Variants in TSPAN9 observed in about 807,000 individuals in gnomAD.
TSPAN9 encodes tetraspanin 9.
In TSPAN9, 16 loss-of-function variants were observed where a neutral mutation model predicts 31.0. That is an observed-to-expected ratio of 0.52 (90% confidence interval 0.35 to 0.78). The LOEUF (loss-of-function observed/expected upper bound fraction) is 0.78. TSPAN9 is among the 30% of genes least tolerant of loss of function. The pLI is 0.01. For missense variants in TSPAN9, 272 were observed against 312.5 expected (o/e 0.87, Z 0.98); for synonymous variants, 145 against 121.6 (o/e 1.19, Z -1.27).
chr12:3,091,986 G>A (rs10848794), intron 2 of TSPAN9, among the ~76,000 whole-genome samples: 15,851 of 152,204 alleles, frequency 0.1, 909 homozygotes, highest in Middle Eastern at 0.14. Flanking sequence ...CAGCTCACAG[G>A]TTTTATATTA....
chr12:3,269,269 T>TCC (rs1196369652), intron 3 of TSPAN9, among the ~76,000 whole-genome samples: 1 of 37,272 alleles, frequency 2.7e-5, no homozygotes, highest in Non-Finnish European at 5.7e-5. Context: ...CAGCCTGCCC[T>TCC]GTGTTCCTGC....
intron 2 of TSPAN9, among the ~76,000 whole-genome samples, chr12:3,186,570 G>A (rs1332000449): frequency 3.4e-5 from 5 of 148,186 alleles, no homozygotes; most frequent in Admixed American, 2.7e-4. Context: ...GTGTGTGTGT[G>A]TGTGTGTATA....
intron 2 of TSPAN9, among the ~76,000 whole-genome samples, chr12:3,103,998 A>G (rs2098313028): frequency 6.6e-6 from 1 of 152,188 alleles, no homozygotes; most frequent in African/African-American, 2.4e-5. Flanking sequence ...GGGAGCCGTG[A>G]AGGCGTTACT....
intron 2 of TSPAN9, among the ~76,000 whole-genome samples, chr12:3,151,791 T>C (rs56036622): frequency 0.095 from 14,398 of 152,042 alleles, 895 homozygotes; most frequent in Middle Eastern, 0.17. Flanking sequence ...ACAACCGTGG[T>C]GTGCGCCTGT....
chr12:3,218,126 C>G (rs2098382320), intron 3 of TSPAN9, among the ~76,000 whole-genome samples: 1 of 152,068 alleles, frequency 6.6e-6, no homozygotes, highest in Admixed American at 6.5e-5. Context: ...GGTGTGCATG[C>G]CTGCGTCCTG....
chr12:3,182,549 A>G (rs2098359029), intron 2 of TSPAN9, among the ~76,000 whole-genome samples: 1 of 151,590 alleles, frequency 6.6e-6, no homozygotes, highest in East Asian at 1.9e-4. Flanking sequence ...TTCATTCAAC[A>G]GTGCTATTGA....
At chr12:3,233,309 G>T (rs2098391767) in intron 3 of TSPAN9, among the ~76,000 whole-genome samples, 1 of 152,198 alleles carries the variant, frequency 6.6e-6, no homozygotes, top group African/African-American at 2.4e-5. Flanking sequence ...TTACAAAGTT[G>T]TAAGAAACAC....
At chr12:3,152,597 C>CTTTTT (rs367668971) in intron 2 of TSPAN9, among the ~76,000 whole-genome samples, 1 of 150,988 alleles carries the variant, frequency 6.6e-6, no homozygotes, top group Non-Finnish European at 1.5e-5. Context: ...TCTTTTCTTT[C>CTTTTT]TTTTTTGAGA....
rs528857501 is a variant in TSPAN9 at position 3,278,588 on chromosome 12, G to A, written c.231G>A (p.Lys77=). The A allele has an allele frequency of 1.9e-6, 3 of 1,614,106 alleles. No individual in the cohort carries two copies. The highest frequency in any genetic ancestry group is 2.2e-5 in the East Asian group (1 of 44,874). Residue 77 remains lysine, a synonymous_variant, in exon 4 of 9, where the codon AAG becomes AAA. Coordinates refer to ENST00000011898, the MANE Select transcript of TSPAN9 (RefSeq NM_006675.5). ...TGFLGCLGAI[K]ENKCLLLSFF... Reference sequence around the variant, plus strand: ...TCCTCGGCTGCCTGGGGGCCATCAAGGAAAACAAGTGCCTCCTCCTCAGCG... The same window carrying A: ...TCCTCGGCTGCCTGGGGGCCATCAAAGAAAACAAGTGCCTCCTCCTCAGCG...
intron 3 of TSPAN9, among the ~76,000 whole-genome samples, chr12:3,210,286 T>G (rs1189702351): frequency 6.6e-6 from 1 of 152,200 alleles, no homozygotes; most frequent in East Asian, 1.9e-4. Context: ...GCCAGATTGT[T>G]TTCCAGTGAG....
At chr12:3,162,158 T>TC (rs1159352883) in intron 2 of TSPAN9, among the ~76,000 whole-genome samples, 31 of 151,998 alleles carry the variant, frequency 2.0e-4, no homozygotes, top group Admixed American at 1.8e-3. Context: ...ACCTGGCACC[T>TC]CCCCCCACTG....
Position 3,187,155 on chromosome 12 carries a change from T to C in TSPAN9, c.-17-14022T>C, listed in dbSNP as rs1203567722. 6.6e-6 allele frequency among the ~76,000 whole-genome samples: 1 copy of C among 152,180 alleles called. No homozygotes were observed. The highest frequency in any genetic ancestry group is 1.5e-5 in the Non-Finnish European group (1 of 68,026). ...TTCAGAGGGGAGGGCCTCTGTTTTC[T>C]TTCACTTGGCAGATCACCTGTGTTC... On this transcript the variant is annotated intron_variant, in intron 2 of 8. Coordinates refer to ENST00000011898, the MANE Select transcript of TSPAN9 (RefSeq NM_006675.5). This position sits in a 1 kb window ranked among gnomAD's most constrained non-coding sequence, Gnocchi z 5.2.
chr12:3,279,126 A>G, intron 5 of TSPAN9, 60 bp downstream of exon 5: 1 of 1,518,922 alleles, frequency 6.6e-7, no homozygotes, highest in Non-Finnish European at 9.1e-7. Context: ...AGTTGGGCCA[A>G]GCAGGCCAGG....
chr12:3,083,265 T>C (rs536393299), intron 1 of TSPAN9, among the ~76,000 whole-genome samples: 9 of 152,356 alleles, frequency 5.9e-5, no homozygotes, highest in East Asian at 3.9e-4. Flanking sequence ...CACTTTTACA[T>C]ATCTTGAAAC....
At chr12:3,264,981 T>C (rs1565637854) in intron 3 of TSPAN9, among the ~76,000 whole-genome samples, 1 of 152,146 alleles carries the variant, frequency 6.6e-6, no homozygotes, top group East Asian at 1.9e-4. Flanking sequence ...CTCTGGCCAT[T>C]GTCCTATCTC....
Position 3,187,245 on chromosome 12 carries a change from G to A in TSPAN9, c.-17-13932G>A, listed in dbSNP as rs564438529. Among the ~76,000 whole-genome samples, 75 of 152,302 alleles carry A rather than the reference G, an allele frequency of 4.9e-4. 1 individual carries two copies. The South Asian group carries it at 0.015, about 31-fold the overall frequency. On this transcript the variant is annotated intron_variant, in intron 2 of 8. Coordinates refer to ENST00000011898, the MANE Select transcript of TSPAN9 (RefSeq NM_006675.5). The surrounding 1 kb of genome is among the most constrained non-coding windows in gnomAD (Gnocchi z 5.2). ...AGGGTGATGAAGGTTGGGGTTGGCGGGGCAGTGGTGTGTTTTCCAGGATTG... is the reference window on the plus strand; with the variant it reads ...AGGGTGATGAAGGTTGGGGTTGGCGAGGCAGTGGTGTGTTTTCCAGGATTG...
intron 3 of TSPAN9, among the ~76,000 whole-genome samples, chr12:3,226,549 G>C (rs1319255581): frequency 6.6e-6 from 1 of 150,488 alleles, no homozygotes; most frequent in Non-Finnish European, 1.5e-5. Context: ...GGATTTGAGG[G>C]TGTATATATA....
At chr12:3,264,779 A>G (rs1862512032) in intron 3 of TSPAN9, among the ~76,000 whole-genome samples, 1 of 152,166 alleles carries the variant, frequency 6.6e-6, no homozygotes, top group African/African-American at 2.4e-5. Flanking sequence ...ATTTTCATGA[A>G]CCTCATTTAA....
At chr12:3,126,458 G>T (rs527883751) in intron 2 of TSPAN9, among the ~76,000 whole-genome samples, 18 of 152,306 alleles carry the variant, frequency 1.2e-4, no homozygotes, top group African/African-American at 4.3e-4. Flanking sequence ...GTGTCTATAC[G>T]CTGGAGCTGC....
Sources: allele counts gnomAD v4.1 joint callset (sites outside exome capture counted in the v4.1 genomes callset), GRCh38; gene constraint gnomAD v4.1.1; non-coding constraint Gnocchi (gnomAD v3.1); transcripts MANE v1.5; gene names NCBI Gene and HGNC (gene_info 2026-07-23, HGNC 2026-07-21).